OSBPL8: variants seen among roughly 807,000 people sequenced by gnomAD.
OSBPL8 encodes oxysterol-binding protein-related protein 8.
A neutral mutation model predicts 125.5 loss-of-function variants in OSBPL8; 59 were observed. The observed-to-expected ratio is 0.47, with a 90% CI of 0.38 to 0.58. The LOEUF is 0.58. Ranked by LOEUF, OSBPL8 falls within the 20% of genes least tolerant of loss-of-function variation. The probability of loss-of-function intolerance (pLI) is 0.00; values close to 1 mark genes in which losing one functional copy is unlikely to be tolerated. For missense variants in OSBPL8, 758 were observed against 1,047.8 expected, an observed-to-expected ratio of 0.72 and a Z score of 3.82; for synonymous variants, 330 against 338.9, an observed-to-expected ratio of 0.97 and a Z score of 0.29.
At chr12:76,552,077 T>C (rs56828774) in intron 1 of OSBPL8, among the ~76,000 whole-genome samples, 4,980 of 152,156 alleles carry the variant, frequency 0.033, 249 homozygotes, top group African/African-American at 0.11. Flanking sequence ...ACCTATTTTT[T>C]CTGCCACTTC....
Position 76,390,649 on chromosome 12 carries a change from T to C in OSBPL8, c.938A>G (p.Asp313Gly). Residue 313 changes from aspartate to glycine, a missense_variant, in exon 11 of 24, where the codon GAT becomes GGT. Transcript: ENST00000261183. ...LHSGDNFQLNDSEIERQHFKD... is the reference protein window; with the variant it reads ...LHSGDNFQLNGSEIERQHFKD... Reference sequence around the variant, plus strand: ...AAAATGTTGTCGTTCAATTTCACTATCATTTAACCTTAAGGGAAAGAATTT... The same window carrying C: ...AAAATGTTGTCGTTCAATTTCACTACCATTTAACCTTAAGGGAAAGAATTT... The C allele has an allele frequency of 1.2e-6, 2 of 1,604,552 alleles. No individual in the cohort carries two copies.
intron 2 of OSBPL8, among the ~76,000 whole-genome samples, chr12:76,469,166 T>C (rs537824260): frequency 2.0e-5 from 3 of 152,300 alleles, no homozygotes; most frequent in South Asian, 2.1e-4. Flanking sequence ...TTCAACATGA[T>C]TTCCCCATGT....
At chr12:76,473,810 A>G (rs899571015) in intron 2 of OSBPL8, among the ~76,000 whole-genome samples, 2 of 152,338 alleles carry the variant, frequency 1.3e-5, no homozygotes, top group South Asian at 2.1e-4. Flanking sequence ...AAGTGATTAA[A>G]GGTTCACCCC....
chr12:76,530,304 C>T (rs759538440), intron 1 of OSBPL8, among the ~76,000 whole-genome samples: 1 of 150,880 alleles, frequency 6.6e-6, no homozygotes, highest in South Asian at 2.1e-4. Flanking sequence ...GCAATCCTCC[C>T]TCCTCAGCCA....
At chr12:76,541,811 G>A (rs1306824815) in intron 1 of OSBPL8, among the ~76,000 whole-genome samples, 7 of 152,090 alleles carry the variant, frequency 4.6e-5, no homozygotes, top group South Asian at 2.1e-4. Context: ...AGCTGAGATC[G>A]TGCCACTGCA....
At chr12:76,545,462 C>T (rs1950757838) in intron 1 of OSBPL8, among the ~76,000 whole-genome samples, 1 of 152,184 alleles carries the variant, frequency 6.6e-6, no homozygotes, top group Admixed American at 6.5e-5. Flanking sequence ...CATCCCCATA[C>T]TTAAGCTGAC....
intron 1 of OSBPL8, among the ~76,000 whole-genome samples, chr12:76,495,340 A>G (rs1291717672): frequency 5.3e-5 from 8 of 152,256 alleles, no homozygotes; most frequent in African/African-American, 1.7e-4. Context: ...ATAGCGCAGC[A>G]TCATTTGACA....
At chr12:76,519,601 G>A (rs1234215802) in intron 1 of OSBPL8, among the ~76,000 whole-genome samples, 1 of 152,076 alleles carries the variant, frequency 6.6e-6, no homozygotes, top group Non-Finnish European at 1.5e-5. Context: ...ATACATACCT[G>A]AATCTGGGTA....
intron 22 of OSBPL8, 45 bp downstream of exon 22, chr12:76,358,661 A>C: frequency 7.0e-7 from 1 of 1,434,758 alleles, no homozygotes; most frequent in Non-Finnish European, 9.8e-7. Context: ...ATTGTGTAGT[A>C]ATTAAAAAGT....
chr12:76,453,698 A>C (rs920083065), intron 3 of OSBPL8, among the ~76,000 whole-genome samples: 3 of 152,194 alleles, frequency 2.0e-5, no homozygotes, highest in Non-Finnish European at 4.4e-5. Context: ...GCACTAACCC[A>C]AAAATTAAAA....
intron 1 of OSBPL8, among the ~76,000 whole-genome samples, chr12:76,535,246 T>C (rs532322488): frequency 1.3e-5 from 2 of 152,194 alleles, no homozygotes; most frequent in South Asian, 2.1e-4. Context: ...ATTCTGACTA[T>C]ATAAAGAACC....
intron 1 of OSBPL8, among the ~76,000 whole-genome samples, chr12:76,502,489 A>G (rs75719269): frequency 0.036 from 5,446 of 152,252 alleles, 360 homozygotes; most frequent in African/African-American, 0.12. Flanking sequence ...AGCGATCCTA[A>G]TTACCATGGA....
At chr12:76,391,752 G>T (rs561438066) in intron 10 of OSBPL8, among the ~76,000 whole-genome samples, 1 of 151,836 alleles carries the variant, frequency 6.6e-6, no homozygotes, top group Non-Finnish European at 1.5e-5. Flanking sequence ...AACAGAGTGA[G>T]TCCCTGGCTC....
At chr12:76,505,753 GA>G (rs768484914) in intron 1 of OSBPL8, among the ~76,000 whole-genome samples, 8 of 152,046 alleles carry the variant, frequency 5.3e-5, no homozygotes, top group Non-Finnish European at 7.4e-5. Flanking sequence ...CACATCTAAA[GA>G]ATAGCAAAGA....
chr12:76,383,412 A>G (rs1217204857), intron 15 of OSBPL8, among the ~76,000 whole-genome samples: 3 of 151,318 alleles, frequency 2.0e-5, no homozygotes, highest in Non-Finnish European at 2.9e-5. Flanking sequence ...AAAACCCAAA[A>G]CCAAACCAAA....
At chr12:76,400,020 A>T in intron 6 of OSBPL8, 46 bp from the exon 7 acceptor site, 1 of 1,439,274 alleles carries the variant, frequency 6.9e-7, no homozygotes, top group Non-Finnish European at 9.4e-7. Flanking sequence ...AACAGAAATG[A>T]GCAATTTATT....
rs536099647 is a variant in OSBPL8, at chr12:76,372,852, C to G, written c.1917+492G>C. ...AATATAACTCTAATTGGAACTATGC[C>G]TCTTTCTTCTATGTGAGTAGAGTGC... On this transcript the variant is annotated intron_variant, in intron 18 of 23. Coordinates refer to ENST00000261183, the MANE Select transcript of OSBPL8 (RefSeq NM_020841.5). Among the ~76,000 whole-genome samples, 3 of 152,232 alleles carry G rather than the reference C, an allele frequency of 2.0e-5. No individual in the cohort carries two copies. In the East Asian group the frequency reaches 5.8e-4, roughly 29 times the overall value.
chr12:76,411,140 C>T (rs1464407335), intron 4 of OSBPL8, among the ~76,000 whole-genome samples: 1 of 152,128 alleles, frequency 6.6e-6, no homozygotes, highest in Non-Finnish European at 1.5e-5. Context: ...AGCATACATT[C>T]AATTAATGTT....
At chr12:76,390,782 A>C (rs1399278442) in intron 10 of OSBPL8, 125 bp from the exon 11 acceptor site, 18 of 639,850 alleles carry the variant, frequency 2.8e-5, no homozygotes, top group Non-Finnish European at 4.9e-5. Flanking sequence ...TAAGTGTTTT[A>C]CATAGTGTTA....
Sources: gnomAD v4.1 joint callset for allele counts (sites outside exome capture counted in the v4.1 genomes callset) on GRCh38, gnomAD v4.1.1 for gene constraint, MANE v1.5 for transcripts, NCBI Gene and HGNC (gene_info 2026-07-23, HGNC 2026-07-21) for gene names.